SYT9: variants seen among roughly 807,000 people sequenced by gnomAD.
SYT9 encodes synaptotagmin 9.
In SYT9, 22 loss-of-function variants were observed where a neutral mutation model predicts 48.4. That is an observed-to-expected ratio of 0.45 (90% CI 0.32 to 0.65). The LOEUF is 0.65. Ranked by LOEUF, SYT9 falls within the 30% of genes least tolerant of loss-of-function variation. The pLI is 0.03. For missense variants in SYT9, 577 were observed against 622.0 expected (o/e 0.93, Z 0.77); for synonymous variants, 265 against 245.0 (o/e 1.08, Z -0.76).
At chr11:7,322,111 G>A (rs1849348786) in intron 3 of SYT9, among the ~76,000 whole-genome samples, 1 of 152,096 alleles carries the variant, frequency 6.6e-6, no homozygotes, top group African/African-American at 2.4e-5. Flanking sequence ...GGAAGGAAGG[G>A]GACCTGATTT....
At chr11:7,386,805 C>T (rs1216115701) in intron 3 of SYT9, among the ~76,000 whole-genome samples, 12 of 152,174 alleles carry the variant, frequency 7.9e-5, no homozygotes, top group African/African-American at 2.7e-4. Flanking sequence ...TGGGTATATA[C>T]CCAAAGGATT....
chr11:7,429,840 G>A (rs1311206114), intron 6 of SYT9, among the ~76,000 whole-genome samples: 2 of 152,166 alleles, frequency 1.3e-5, no homozygotes, highest in African/African-American at 4.8e-5. Context: ...TGAAAAGAGG[G>A]ACACTTGACT....
At chr11:7,424,705 T>C (rs1847421483) in intron 6 of SYT9, among the ~76,000 whole-genome samples, 1 of 152,192 alleles carries the variant, frequency 6.6e-6, no homozygotes, top group Non-Finnish European at 1.5e-5. Flanking sequence ...TCAGCACTAT[T>C]ATCCTATAGG....
chr11:7,405,063 ACTT>A (rs1846976736), intron 3 of SYT9, among the ~76,000 whole-genome samples: 1 of 150,220 alleles, frequency 6.7e-6, no homozygotes, highest in South Asian at 2.1e-4. Flanking sequence ...TGTCAGTAAC[ACTT>A]CTTCACATCT....
chr11:7,304,038 A>C (rs1362868519), intron 2 of SYT9, among the ~76,000 whole-genome samples: 8 of 152,280 alleles, frequency 5.3e-5, no homozygotes, highest in Non-Finnish European at 1.5e-5. Context: ...CAGTGAAAAA[A>C]GATGCGGTCT....
At chr11:7,262,506 C>A (rs1177936923) in intron 1 of SYT9, among the ~76,000 whole-genome samples, 3 of 151,788 alleles carry the variant, frequency 2.0e-5, no homozygotes, top group Non-Finnish European at 2.9e-5. Flanking sequence ...TGGAACTGTC[C>A]AACGGTAAGA....
chr11:7,307,539 T>C (rs1281735723), intron 2 of SYT9, among the ~76,000 whole-genome samples: 1 of 152,200 alleles, frequency 6.6e-6, no homozygotes, highest in African/African-American at 2.4e-5. Flanking sequence ...ATCAAGCATT[T>C]GCTATGGCAA....
intron 6 of SYT9, among the ~76,000 whole-genome samples, chr11:7,454,529 G>A (rs776831689): frequency 6.6e-6 from 1 of 152,172 alleles, no homozygotes; most frequent in African/African-American, 2.4e-5. Context: ...GGGATAACAC[G>A]AGTGAAGACA....
At chr11:7,372,555 G>A (rs1457248663) in intron 3 of SYT9, among the ~76,000 whole-genome samples, 2 of 152,210 alleles carry the variant, frequency 1.3e-5, no homozygotes, top group Admixed American at 1.3e-4. Flanking sequence ...TTTTGTAGAG[G>A]GGGGAATCTC....
intron 1 of SYT9, among the ~76,000 whole-genome samples, chr11:7,288,117 G>A (rs1848630226): frequency 6.6e-6 from 1 of 152,070 alleles, no homozygotes; most frequent in African/African-American, 2.4e-5. Flanking sequence ...AGGCACAATA[G>A]TGGGAAATAA....
chr11:7,435,993 A>AG (rs992860455), intron 6 of SYT9: 4 of 152,228 alleles, frequency 2.6e-5, no homozygotes, highest in African/African-American at 9.7e-5. Flanking sequence ...AAAAGAAAAA[A>AG]AAAAATCAGC....
chr11:7,243,175 G>A (rs1412702636), intron 1 of SYT9, among the ~76,000 whole-genome samples: 3 of 152,258 alleles, frequency 2.0e-5, no homozygotes, highest in East Asian at 1.9e-4. Flanking sequence ...TGACAAGACA[G>A]CAATAATTTT....
intron 3 of SYT9, among the ~76,000 whole-genome samples, chr11:7,335,486 G>A (rs906847656): frequency 3.9e-5 from 6 of 151,938 alleles, no homozygotes; most frequent in Non-Finnish European, 8.8e-5. Flanking sequence ...CCCCCAGAAG[G>A]TTCCAGTGTT....
At chr11:7,391,104 C>G (rs1850757222) in intron 3 of SYT9, among the ~76,000 whole-genome samples, 1 of 152,064 alleles carries the variant, frequency 6.6e-6, no homozygotes, top group South Asian at 2.1e-4. Flanking sequence ...TGCATTAATT[C>G]AGTTAGAATA....
chr11:7,247,500 T>C (rs1412973803), upstream of SYT9, among the ~76,000 whole-genome samples: 2 of 149,590 alleles, frequency 1.3e-5, no homozygotes, highest in Non-Finnish European at 1.5e-5. Context: ...CACATATATA[T>C]ACACATATAT....
chr11:7,335,220 C>A (rs1392518336), intron 3 of SYT9, among the ~76,000 whole-genome samples: 1 of 152,086 alleles, frequency 6.6e-6, no homozygotes, highest in Non-Finnish European at 1.5e-5. Context: ...TCCCTAATAA[C>A]AAATGAAATT....
chr11:7,379,884 G>T (rs767012040), intron 3 of SYT9, among the ~76,000 whole-genome samples: 11 of 152,100 alleles, frequency 7.2e-5, no homozygotes, highest in Non-Finnish European at 1.5e-4. Flanking sequence ...CAGTTTGGAG[G>T]TTCTTCAAAA....
chr11:7,360,235 T>C (rs1214399299), intron 3 of SYT9, among the ~76,000 whole-genome samples: 2 of 152,180 alleles, frequency 1.3e-5, no homozygotes, highest in Non-Finnish European at 2.9e-5. Context: ...ACCAGTACCA[T>C]GCTGTTTTGG....
At chr11:7,399,313 A>G (rs912853507) in intron 3 of SYT9, among the ~76,000 whole-genome samples, 4 of 152,176 alleles carry the variant, frequency 2.6e-5, no homozygotes, top group African/African-American at 9.7e-5. Flanking sequence ...AAAATTGAAA[A>G]ACACTGAACC....
Sources: gnomAD v4.1 joint callset for allele counts (sites outside exome capture counted in the v4.1 genomes callset) on GRCh38, gnomAD v4.1.1 for gene constraint, MANE v1.5 for transcripts, NCBI Gene and HGNC (gene_info 2026-07-23, HGNC 2026-07-21) for gene names.